Variants in ACHE observed in about 807,000 individuals in gnomAD.
The protein encoded by ACHE is acetylcholinesterase (Yt blood group).
A neutral mutation model predicts 53.9 loss-of-function variants in ACHE; 19 were observed. That is an observed-to-expected ratio of 0.35 (90% CI 0.25 to 0.52). The LOEUF (loss-of-function observed/expected upper bound fraction) is 0.52. Among genes scored for constraint, ACHE ranks in the 20% least tolerant of loss-of-function variants. The pLI is 0.95. For missense variants in ACHE, 605 were observed against 849.4 expected (o/e 0.71, Z 3.58); for synonymous variants, 392 against 378.1 (o/e 1.04, Z -0.43).
chr7:100,894,240 G>A lies in ACHE; in HGVS notation c.-8C>T, dbSNP rs1485451473. Reference sequence around the variant, plus strand: ...ACACTGCGGGGGCCTCATGGCTGCAGGGCAGGCGGCGTCTGCTGGGAGAAA... The same window carrying A: ...ACACTGCGGGGGCCTCATGGCTGCAAGGCAGGCGGCGTCTGCTGGGAGAAA... On this transcript the variant is annotated 5_prime_UTR_variant, in exon 2 of 5. Coordinates refer to ENST00000241069, the MANE Select transcript of ACHE (RefSeq NM_000665.5). 3 of 1,433,278 alleles carry A rather than the reference G, an allele frequency of 2.1e-6. No individual in the cohort carries two copies. The highest frequency in any genetic ancestry group is 2.7e-6 in the Non-Finnish European group (3 of 1,098,056). 88.8% of individuals were successfully genotyped at this position (1,433,278 alleles called of 1,614,324 possible).
At chr7:100,891,082 T>C in intron 4 of ACHE, 87 bp downstream of exon 4, 1 of 1,524,256 alleles carries the variant, frequency 6.6e-7, no homozygotes. Context: ...GCTGGGAGCC[T>C]CCGAGGCTAG....
At position 100,890,926 on chromosome 7, in the gene ACHE, G is replaced by A. The variant is rs531065307; in HGVS notation, c.1723+243C>T. The A allele has an allele frequency of 1.6e-5, 23 of 1,472,770 alleles. No homozygotes were observed. The South Asian group carries it at 2.3e-4, about 15-fold the overall frequency. 91.2% of individuals were successfully genotyped at this position (1,472,770 alleles called of 1,614,324 possible). A position where few individuals can be genotyped will look rare whatever the true frequency, so the allele number is the denominator to read the frequency against. On this transcript the variant is annotated intron_variant, in intron 4 of 4. Transcript: ENST00000241069. ...CGGTCCGACCACTCATTAGAGGAGG[G>A]GCCCCTGTGGCCGTAGGGGAAGAGG...
intron 4 of ACHE, chr7:100,890,840 C>G: frequency 1.4e-6 from 2 of 1,424,228 alleles, no homozygotes; most frequent in South Asian, 1.7e-5. Context: ...CAGTGTGAGT[C>G]TCTCGGTTTG....
intron 1 of ACHE, chr7:100,894,517 A>C: frequency 3.2e-6 from 1 of 312,088 alleles, no homozygotes; most frequent in Non-Finnish European, 5.9e-6. Flanking sequence ...TCTGCTCCGC[A>C]GGGGTCCACT....
upstream of ACHE, chr7:100,896,610 C>T (rs1205384102): frequency 1.1e-5 from 3 of 267,504 alleles, no homozygotes; most frequent in African/African-American, 2.3e-5. Flanking sequence ...GGCCGCACTC[C>T]GCGGCGGCAG....
chr7:100,890,199 G>C lies in ACHE; in HGVS notation c.*15C>G. The C allele has an allele frequency of 2.5e-6, 4 of 1,613,634 alleles. No homozygotes were observed. The highest frequency in any genetic ancestry group is 3.4e-6 in the Non-Finnish European group (4 of 1,179,608). ...GGGGCCGGGCGGAGCGGAGGACATG[G>C]GGGTCCCGCCGGGGTCACAGGTCTG... On this transcript the variant is annotated 3_prime_UTR_variant, in exon 5 of 5. Coordinates refer to ENST00000241069, the MANE Select transcript of ACHE (RefSeq NM_000665.5).
rs770920805 is a variant in ACHE at position 100,893,582 on chromosome 7, G to A, written c.651C>T (p.Asn217=). ...TCGGGTCACCCCCGAAGGCTGCCACGTTCTCCTGCACCCACTGCAGGGCCA... is the reference window on the plus strand; with the variant it reads ...TCGGGTCACCCCCGAAGGCTGCCACATTCTCCTGCACCCACTGCAGGGCCA... ...QRLALQWVQE[N]VAAFGGDPTS... is the part of the protein sequence containing the mutation. Residue 217 remains asparagine (N), a synonymous_variant, in exon 2 of 5, where the codon AAC becomes AAT. Coordinates refer to ENST00000241069, the MANE Select transcript of ACHE (RefSeq NM_000665.5). 5.0e-6 allele frequency: 8 copies of A among 1,612,218 alleles called. No individual in the cohort carries two copies. Among genetic ancestry groups the A allele is most frequent in the African/African-American group, 4.0e-5 (3 of 74,930 alleles).
Position 100,892,607 on chromosome 7 carries a change from T to G in ACHE, c.1280A>C (p.Glu427Ala). The change falls in exon 3 of 5, where the codon GAG (glutamate) becomes GCG (alanine). Residue 427 changes from glutamate (E) to alanine (A), a missense_variant. Physicochemically the swap from Glu to Ala is moderately radical, Grantham distance 107 (BLOSUM62 -1). Transcript: ENST00000241069. The surrounding 1 kb of genome is among the most constrained non-coding windows in gnomAD (Gnocchi z 5.2). ...LHPEDPARLREALSDVVGDHN... is the reference protein window; with the variant it reads ...LHPEDPARLRAALSDVVGDHN... ...GTCGCCCACCACATCGCTCAGGGCC[T>G]CCCTCAGGCGTGCCGGGTCCTCGGG... The G allele has an allele frequency of 6.2e-7, 1 of 1,613,324 alleles. No homozygotes were observed. The highest frequency in any genetic ancestry group is 2.2e-5 in the East Asian group (1 of 44,854).
chr7:100,895,814 A>AGCCGGGCCGG lies in ACHE; in HGVS notation c.-43_-34dup, dbSNP rs1051796403. The AGCCGGGCCGG allele has an allele frequency of 1.3e-5, 2 of 151,510 alleles. No individual in the cohort carries two copies. 9.4% of individuals were successfully genotyped at this position (151,510 alleles called of 1,614,324 possible). On this transcript the variant is annotated 5_prime_UTR_variant, in exon 1 of 5. Transcript: ENST00000241069. ...GAGGGAGACTCACCTGAGGCGGCCG[A>AGCCGGGCCGG]GCCGGGCCGGGCCGGGCCGCGCCGG...
chr7:100,891,005 G>T, intron 4 of ACHE, 164 bp downstream of exon 4: 1 of 1,457,032 alleles, frequency 6.9e-7, no homozygotes. Flanking sequence ...AGCTGGTGGA[G>T]GAGGAGGAGG....
chr7:100,895,641 C>A (rs1169964227), intron 1 of ACHE, among the ~76,000 whole-genome samples, 161 bp downstream of exon 1: 1 of 152,142 alleles, frequency 6.6e-6, no homozygotes, highest in East Asian at 1.9e-4. Context: ...GTGAGGCGGC[C>A]GGGGAAGAGT....
At chr7:100,891,748 C>A (rs1453732766) in intron 3 of ACHE, among the ~76,000 whole-genome samples, 1 of 147,092 alleles carries the variant, frequency 6.8e-6, no homozygotes, top group Non-Finnish European at 1.5e-5. Context: ...ACTGGTTTGA[C>A]TTAATCCAGC....
rs1363712364 is a variant in ACHE, at chr7:100,892,833, G to C, written c.1069-15C>G. On this transcript the variant is annotated splice_polypyrimidine_tract_variant and intron_variant, in intron 2 of 4. Coordinates refer to ENST00000241069, the MANE Select transcript of ACHE (RefSeq NM_000665.5). This position sits in a 1 kb window ranked among gnomAD's most constrained non-coding sequence, Gnocchi z 5.2. The stretch of plus-strand genomic sequence containing the variant: ...CCCACCAGCACCTGGGGGTGAGGGA[G>C]AGGGGGGTGGGATGGAGCGACAGGC... 3 of 1,558,616 alleles carry C rather than the reference G, an allele frequency of 1.9e-6. No individual in the cohort carries two copies. The highest frequency in any genetic ancestry group is 2.3e-5 in the South Asian group (2 of 86,666).
At chr7:100,891,852 C>T (rs1418576147) in intron 3 of ACHE, among the ~76,000 whole-genome samples, 1 of 141,002 alleles carries the variant, frequency 7.1e-6, no homozygotes, top group African/African-American at 2.6e-5. Context: ...GCCATCATAG[C>T]TCACTGCAGC....
At chr7:100,894,611 G>T (rs1790928107) in intron 1 of ACHE, among the ~76,000 whole-genome samples, 1 of 40 alleles carries the variant, frequency 0.025, no homozygotes, top group African/African-American at 0.1. Flanking sequence ...CAGGCCACCC[G>T]ACAGGGCGCG....
Position 100,890,739 on chromosome 7 carries a change from G to A in ACHE, c.1724-404C>T, listed in dbSNP as rs577019712. 6 of 1,341,254 alleles carry A rather than the reference G, an allele frequency of 4.5e-6. No individual in the cohort carries two copies. The East Asian group carries it at 8.5e-5, about 19-fold the overall frequency. 83.1% of individuals were successfully genotyped at this position (1,341,254 alleles called of 1,614,324 possible). ...GGTTCCAAAAGATAATTTTATAAAA[G>A]AATACTGGCTTTTCCATTTCCATTC... On this transcript the variant is annotated intron_variant, in intron 4 of 4. Transcript: ENST00000241069.
intron 2 of ACHE, 140 bp downstream of exon 2, chr7:100,893,025 G>A: frequency 8.3e-7 from 1 of 1,198,334 alleles, no homozygotes; most frequent in Non-Finnish European, 1.2e-6. Context: ...TGACCACCCT[G>A]GGATCTGAGC....
chr7:100,891,678 T>C (rs1790708166), intron 3 of ACHE, among the ~76,000 whole-genome samples: 1 of 152,184 alleles, frequency 6.6e-6, no homozygotes, highest in Non-Finnish European at 1.5e-5. Context: ...CATTGTCCTC[T>C]TCTCGATCCA....
At chr7:100,890,539 G>T in intron 4 of ACHE, 1 of 1,410,014 alleles carries the variant, frequency 7.1e-7, no homozygotes, top group Non-Finnish European at 9.3e-7. Context: ...CGGGGCCGGA[G>T]AAGGACAGCA....
Sources: gnomAD v4.1 joint callset for allele counts (sites outside exome capture counted in the v4.1 genomes callset) on GRCh38, gnomAD v4.1.1 for gene constraint, Gnocchi (gnomAD v3.1) non-coding constraint, MANE v1.5 for transcripts, NCBI Gene and HGNC (gene_info 2026-07-23, HGNC 2026-07-21) for gene names.